The following CDIN1 variants were observed in gnomAD, a reference collection of about 807,000 sequenced individuals.
The protein encoded by CDIN1 is CDAN1 interacting nuclease 1, also known as CDAN1-interacting nuclease 1.
CDIN1 carries 33 observed loss-of-function variants against 45.3 expected under a neutral mutation model. The observed-to-expected ratio is 0.73, with a 90% confidence interval of 0.55 to 0.97. CDIN1 has a LOEUF of 0.97. Among genes scored for constraint, CDIN1 ranks in the 50% least tolerant of loss-of-function variants. The pLI is 0.00. For synonymous variants in CDIN1, 118 were observed against 124.4 expected (o/e 0.95, Z 0.34); for missense variants, 303 against 339.4 (o/e 0.89, Z 0.84).
chr15:36,628,353 C>T (rs1011795922), intron 1 of CDIN1, among the ~76,000 whole-genome samples: 2 of 152,088 alleles, frequency 1.3e-5, no homozygotes, highest in Non-Finnish European at 2.9e-5. Flanking sequence ...TAGTAGAGCA[C>T]ATTTGTGATT....
At chr15:36,678,254 C>A (rs961031167) in intron 5 of CDIN1, among the ~76,000 whole-genome samples, 16 of 152,160 alleles carry the variant, frequency 1.1e-4, no homozygotes, top group African/African-American at 3.6e-4. Flanking sequence ...CAAGTAGGCT[C>A]CTGCAGGCCA....
At chr15:36,609,908 A>G (rs1299218466) in intron 1 of CDIN1, among the ~76,000 whole-genome samples, 1 of 152,212 alleles carries the variant, frequency 6.6e-6, no homozygotes, top group East Asian at 1.9e-4. Flanking sequence ...GTGTTTTAGT[A>G]AAGCTGTGAA....
intron 10 of CDIN1, among the ~76,000 whole-genome samples, chr15:36,738,450 A>G (rs559740509): frequency 2.2e-4 from 33 of 152,200 alleles, no homozygotes; most frequent in Admixed American, 1.8e-3. Context: ...GACCCAGAGT[A>G]AGAGCCAAAA....
At chr15:36,807,292 G>A (rs1440804364) in intron 10 of CDIN1, among the ~76,000 whole-genome samples, 1 of 152,190 alleles carries the variant, frequency 6.6e-6, no homozygotes, top group Non-Finnish European at 1.5e-5. Context: ...TCAGCCTGCT[G>A]TAATGTTAGA....
chr15:36,614,713 A>G (rs932151170), intron 1 of CDIN1, among the ~76,000 whole-genome samples: 4 of 152,244 alleles, frequency 2.6e-5, no homozygotes, highest in Non-Finnish European at 5.9e-5. Flanking sequence ...ATTGCTGTCT[A>G]CAAAGTACTA....
At chr15:36,695,062 G>C (rs1047977656) in intron 7 of CDIN1, among the ~76,000 whole-genome samples, 6 of 152,180 alleles carry the variant, frequency 3.9e-5, no homozygotes, top group African/African-American at 1.4e-4. Context: ...TGCCTTGGAA[G>C]GCAAGGGACA....
chr15:36,712,887 C>T (rs2043104782), intron 10 of CDIN1, among the ~76,000 whole-genome samples: 1 of 152,110 alleles, frequency 6.6e-6, no homozygotes, highest in African/African-American at 2.4e-5. Context: ...CTCTGGGAAG[C>T]ATTTGGACCA....
intron 3 of CDIN1, among the ~76,000 whole-genome samples, chr15:36,645,565 TG>T (rs1182856912): frequency 1.3e-5 from 2 of 151,442 alleles, no homozygotes; most frequent in Non-Finnish European, 2.9e-5. Context: ...TATAATATTA[TG>T]AAATCTCAGT....
At position 36,697,340 on chromosome 15, in the gene CDIN1, A is replaced by G. The variant is rs372427497; in HGVS notation, c.494A>G (p.His165Arg). ...CTTCCCAGTGCCATTGGTCATGAGC[A>G]TGAGGTCCTGCTGAGAGACTTGCTT... ...DCIKHAIGHE[H>R]EVLLRDLLLE... Residue 165 changes from histidine to arginine, a missense_variant, in exon 8 of 11, where the codon CAT becomes CGT. His to Arg is a conservative substitution (Grantham distance 29, BLOSUM62 0). Transcript: ENST00000566621. 1.2e-6 allele frequency: 2 copies of G among 1,612,682 alleles called. No homozygotes were observed. Among genetic ancestry groups the G allele is most frequent in the Non-Finnish European group, 1.7e-6 (2 of 1,179,380 alleles).
intron 3 of CDIN1, among the ~76,000 whole-genome samples, chr15:36,645,534 C>T (rs2040290687): frequency 1.7e-5 from 2 of 115,872 alleles, no homozygotes; most frequent in African/African-American, 3.1e-5. Context: ...GTGTGTGTGC[C>T]CATACTATGT....
chr15:36,656,896 A>G (rs1165886683), intron 4 of CDIN1, among the ~76,000 whole-genome samples: 2 of 152,196 alleles, frequency 1.3e-5, no homozygotes, highest in African/African-American at 2.4e-5. Context: ...CCTGTCAGGA[A>G]AAATTCATGG....
intron 10 of CDIN1, among the ~76,000 whole-genome samples, chr15:36,782,449 G>C (rs951061537): frequency 6.6e-6 from 1 of 152,022 alleles, no homozygotes; most frequent in African/African-American, 2.4e-5. Context: ...TAGCATTTTT[G>C]TTCCTGCTTT....
At chr15:36,794,635 CTTT>C in intron 10 of CDIN1, among the ~76,000 whole-genome samples, 1 of 147,384 alleles carries the variant, frequency 6.8e-6, no homozygotes, top group South Asian at 2.2e-4. Context: ...GGATTTTCCT[CTTT>C]TTTAAGACTG....
At chr15:36,612,645 T>C (rs2038702895) in intron 1 of CDIN1, among the ~76,000 whole-genome samples, 1 of 152,206 alleles carries the variant, frequency 6.6e-6, no homozygotes. Context: ...TGGCATGTTA[T>C]GATGCTGAGC....
intron 10 of CDIN1, among the ~76,000 whole-genome samples, chr15:36,784,711 CTCTT>C (rs1358304583): frequency 3.3e-5 from 5 of 151,876 alleles, no homozygotes; most frequent in Non-Finnish European, 5.9e-5. Flanking sequence ...CCAATCTTAT[CTCTT>C]TTTCTTTGGT....
intron 10 of CDIN1, among the ~76,000 whole-genome samples, chr15:36,742,243 A>T (rs1316557647): frequency 6.6e-6 from 1 of 152,210 alleles, no homozygotes; most frequent in Non-Finnish European, 1.5e-5. Flanking sequence ...ACCAGCTGGA[A>T]GCCAATTTAT....
chr15:36,802,211 C>T (rs2141134397), intron 10 of CDIN1, among the ~76,000 whole-genome samples: 1 of 152,296 alleles, frequency 6.6e-6, no homozygotes, highest in Non-Finnish European at 1.5e-5. Flanking sequence ...AGTCATAGTG[C>T]CCTCCTCATA....
intron 8 of CDIN1, among the ~76,000 whole-genome samples, chr15:36,701,141 GAT>G (rs1469111428): frequency 9.2e-5 from 14 of 151,568 alleles, no homozygotes; most frequent in Non-Finnish European, 1.8e-4. Flanking sequence ...TAGATAGATA[GAT>G]AGATAGATAG....
intron 3 of CDIN1, 85 bp downstream of exon 3, chr15:36,645,372 C>A: frequency 8.8e-7 from 1 of 1,137,632 alleles, no homozygotes. Context: ...TATTAATTTT[C>A]TATGTCATAT....
Sources: allele counts gnomAD v4.1 joint callset (sites outside exome capture counted in the v4.1 genomes callset), GRCh38; gene constraint gnomAD v4.1.1; transcripts MANE v1.5; gene names NCBI Gene and HGNC (gene_info 2026-07-23, HGNC 2026-07-21).